The following KCNB2 variants were observed in gnomAD, a reference collection of about 807,000 sequenced individuals.
KCNB2 encodes the protein delayed rectifier potassium channel protein.
Under a neutral mutation model 61.5 loss-of-function variants are expected in KCNB2, and 15 were observed. That is an observed-to-expected ratio of 0.24 (90% CI 0.16 to 0.38). KCNB2 has a LOEUF of 0.38. KCNB2 is among the 10% of genes least tolerant of loss of function. KCNB2 has a pLI of 1.00. For synonymous variants in KCNB2, 457 were observed against 446.0 expected (o/e 1.02, Z -0.31); for missense variants, 828 against 1,125.2 (o/e 0.74, Z 3.78).
intron 2 of KCNB2, among the ~76,000 whole-genome samples, chr8:72,692,266 C>T (rs994312194): frequency 6.7e-6 from 1 of 148,766 alleles, no homozygotes; most frequent in East Asian, 2.0e-4. Flanking sequence ...AAATTGGAAG[C>T]TTATATTTTG....
chr8:72,637,427 T>G (rs1474187335), intron 2 of KCNB2, among the ~76,000 whole-genome samples: 1 of 152,172 alleles, frequency 6.6e-6, no homozygotes, highest in Admixed American at 6.6e-5. Flanking sequence ...GTAGGGAAAT[T>G]GGAGCTATCA....
At chr8:72,676,230 T>G (rs1275429980) in intron 2 of KCNB2, among the ~76,000 whole-genome samples, 1 of 152,118 alleles carries the variant, frequency 6.6e-6, no homozygotes, top group East Asian at 1.9e-4. Flanking sequence ...TTGCTAAACA[T>G]GAAGAACTTG....
intron 2 of KCNB2, among the ~76,000 whole-genome samples, chr8:72,711,244 A>G (rs773260001): frequency 2.0e-5 from 3 of 152,250 alleles, no homozygotes; most frequent in Non-Finnish European, 4.4e-5. Context: ...GAGCATCTGC[A>G]TAGCCCAACA....
intron 2 of KCNB2, among the ~76,000 whole-genome samples, chr8:72,788,158 T>C (rs1180237866): frequency 1.3e-5 from 2 of 152,204 alleles, no homozygotes. Flanking sequence ...AATTTAGATA[T>C]TTTATAGCGA....
At chr8:72,911,669 C>T (rs913999682) in intron 2 of KCNB2, among the ~76,000 whole-genome samples, 4 of 152,174 alleles carry the variant, frequency 2.6e-5, no homozygotes, top group East Asian at 1.9e-4. Flanking sequence ...TGACTTGCAG[C>T]GGGTGATTCT....
chr8:72,563,336 T>G (rs1026300125), intron 1 of KCNB2, among the ~76,000 whole-genome samples: 2 of 152,160 alleles, frequency 1.3e-5, no homozygotes, highest in African/African-American at 4.8e-5. Flanking sequence ...TAAAGTTCAA[T>G]TAGCAATTGA....
At chr8:72,594,124 A>T (rs1262590911) in intron 2 of KCNB2, among the ~76,000 whole-genome samples, 1 of 152,224 alleles carries the variant, frequency 6.6e-6, no homozygotes, top group Middle Eastern at 3.2e-3. Context: ...TATATACCTC[A>T]TCTTAGTATT....
At chr8:72,648,973 AT>A (rs148497430) in intron 2 of KCNB2, among the ~76,000 whole-genome samples, 3 of 151,720 alleles carry the variant, frequency 2.0e-5, no homozygotes, top group Non-Finnish European at 4.4e-5. Flanking sequence ...AAGTTTTTTT[AT>A]TTTTTTTCTT....
chr8:72,812,090 C>T (rs1563392259), intron 2 of KCNB2, among the ~76,000 whole-genome samples: 1 of 152,074 alleles, frequency 6.6e-6, no homozygotes, highest in South Asian at 2.1e-4. Flanking sequence ...GGTGAAATCC[C>T]GTCTCTACTA....
At chr8:72,556,861 A>G (rs112711962) in intron 1 of KCNB2, among the ~76,000 whole-genome samples, 2,185 of 152,240 alleles carry the variant, frequency 0.014, 27 homozygotes, top group Non-Finnish European at 0.025. Flanking sequence ...TAGACGAGGT[A>G]ACTTATGAAC....
At chr8:72,835,900 A>G (rs891099579) in intron 2 of KCNB2, among the ~76,000 whole-genome samples, 9 of 152,244 alleles carry the variant, frequency 5.9e-5, no homozygotes, top group African/African-American at 2.2e-4. Flanking sequence ...CAGAGTACAC[A>G]GGCCTCAACA....
intron 2 of KCNB2, among the ~76,000 whole-genome samples, chr8:72,703,865 T>C (rs534283025): frequency 6.6e-6 from 1 of 152,340 alleles, no homozygotes; most frequent in African/African-American, 2.4e-5. Flanking sequence ...CTGAAGGATA[T>C]GTCATTCTTA....
chr8:72,874,097 A>C (rs769505482), intron 2 of KCNB2, among the ~76,000 whole-genome samples: 5 of 152,218 alleles, frequency 3.3e-5, no homozygotes, highest in Non-Finnish European at 7.3e-5. Context: ...TCAGATCTTC[A>C]ATTTAAAATG....
At chr8:72,758,102 C>A (rs943973965) in intron 2 of KCNB2, among the ~76,000 whole-genome samples, 1 of 152,078 alleles carries the variant, frequency 6.6e-6, no homozygotes, top group African/African-American at 2.4e-5. Context: ...CTTTCTGCTC[C>A]GAACAAGGCA....
At chr8:72,808,913 G>T (rs781020499) in intron 2 of KCNB2, among the ~76,000 whole-genome samples, 6 of 152,046 alleles carry the variant, frequency 3.9e-5, no homozygotes, top group Non-Finnish European at 4.4e-5. Context: ...TGAAGATGAG[G>T]TCCCTTTAAT....
intron 2 of KCNB2, among the ~76,000 whole-genome samples, chr8:72,867,256 T>C (rs969803850): frequency 1.3e-5 from 2 of 152,236 alleles, no homozygotes; most frequent in Non-Finnish European, 2.9e-5. Context: ...TGGCTTGATA[T>C]GAGAAATCAG....
At chr8:72,841,940 G>A (rs1425780781) in intron 2 of KCNB2, among the ~76,000 whole-genome samples, 1 of 152,082 alleles carries the variant, frequency 6.6e-6, no homozygotes, top group African/African-American at 2.4e-5. Context: ...TTGCCTGATT[G>A]CCCTGGCCAG....
At chr8:72,557,110 A>G (rs992041045) in intron 1 of KCNB2, among the ~76,000 whole-genome samples, 1 of 152,156 alleles carries the variant, frequency 6.6e-6, no homozygotes, top group African/African-American at 2.4e-5. Context: ...CTTGGGAAGC[A>G]GGATTTCAAC....
intron 2 of KCNB2, among the ~76,000 whole-genome samples, chr8:72,666,320 T>C (rs1034615507): frequency 6.9e-6 from 1 of 145,968 alleles, no homozygotes; most frequent in African/African-American, 2.8e-5. Context: ...TAGTTCTTTC[T>C]GCTGCTTAAA....
Sources: gnomAD v4.1 joint callset for allele counts (sites outside exome capture counted in the v4.1 genomes callset) on GRCh38, gnomAD v4.1.1 for gene constraint, MANE v1.5 for transcripts, NCBI Gene and HGNC (gene_info 2026-07-23, HGNC 2026-07-21) for gene names.